Variants in NUDT4 observed in about 807,000 individuals in gnomAD.
NUDT4 encodes nudix hydrolase 4.
Under a neutral mutation model 23.1 loss-of-function variants are expected in NUDT4, and 5 were observed. The ratio of observed to expected loss-of-function variants is 0.22; its 90% CI spans 0.11 to 0.46. NUDT4 has a LOEUF of 0.46. NUDT4 is among the 20% of genes least tolerant of loss of function. The pLI is 0.99. For synonymous variants in NUDT4, 50 were observed against 79.0 expected (o/e 0.63, Z 1.95); for missense variants, 96 against 211.6 (o/e 0.45, Z 3.39).
At chr12:93,385,938 T>TA (rs1565777230) in intron 1 of NUDT4, among the ~76,000 whole-genome samples, 22 of 67,588 alleles carry the variant, frequency 3.3e-4, no homozygotes, top group East Asian at 1.0e-3. Flanking sequence ...ATAGTAAATC[T>TA]TTTTATATAT....
At chr12:93,385,937 CTT>C (rs1205267244) in intron 1 of NUDT4, among the ~76,000 whole-genome samples, 1,199 of 60,942 alleles carry the variant, frequency 0.02, 32 homozygotes, top group Admixed American at 0.079. Context: ...TATAGTAAAT[CTT>C]TTTATATATA....
intron 1 of NUDT4, among the ~76,000 whole-genome samples, chr12:93,392,243 T>TTCC (rs1491364107): frequency 3.4e-5 from 4 of 118,386 alleles, no homozygotes; most frequent in African/African-American, 6.3e-5. Flanking sequence ...TTCCTTTGTT[T>TTCC]CCCCCCCCCC....
intron 1 of NUDT4, among the ~76,000 whole-genome samples, chr12:93,390,829 C>T (rs529068542): frequency 2.6e-5 from 4 of 152,090 alleles, no homozygotes; most frequent in Non-Finnish European, 2.9e-5. Flanking sequence ...GTTCTCACAC[C>T]TGCCCGCCTT....
At chr12:93,397,275 ATGAT>A (rs1250228453) in intron 3 of NUDT4, among the ~76,000 whole-genome samples, 1 of 149,630 alleles carries the variant, frequency 6.7e-6, no homozygotes, top group Admixed American at 6.8e-5. Flanking sequence ...AAAATAATGA[ATGAT>A]GTGTTAATTG....
At chr12:93,388,581 G>T (rs568373438) in intron 1 of NUDT4, among the ~76,000 whole-genome samples, 1 of 152,324 alleles carries the variant, frequency 6.6e-6, no homozygotes, top group South Asian at 2.1e-4. Flanking sequence ...AGAGGCTGAA[G>T]ATTGTAAAGA....
rs560879843 is a variant in NUDT4, at chr12:93,398,862, T to G, written c.340+7T>G. The G allele has an allele frequency of 8.3e-5, 124 of 1,489,164 alleles. No individual in the cohort carries two copies. Among genetic ancestry groups the G allele is most frequent in the Middle Eastern group, 6.9e-4 (3 of 4,362 alleles). 92.2% of individuals were successfully genotyped at this position (1,489,164 alleles called of 1,614,324 possible). On this transcript the variant is annotated splice_region_variant and intron_variant, in intron 4 of 4. Coordinates refer to ENST00000415493, the MANE Select transcript of NUDT4 (RefSeq NM_019094.6). ...GAAGATTCTGTTAATATTGGTAAGT[T>G]CCCTTTTGTTATCTGAATACTCTGT...
At chr12:93,388,578 G>A (rs1876268037) in intron 1 of NUDT4, among the ~76,000 whole-genome samples, 1 of 152,236 alleles carries the variant, frequency 6.6e-6, no homozygotes, top group South Asian at 2.1e-4. Context: ...TCTAGAGGCT[G>A]AAGATTGTAA....
rs1241647315 is a variant in NUDT4 at position 93,400,708 on chromosome 12, C to G, written c.*1329C>G. On this transcript the variant is annotated 3_prime_UTR_variant, in exon 5 of 5. Transcript: ENST00000415493. ...CACCGCAACCTCCGCCTCCCGGGTTCAAGCGATTCTCCTGCCTCAGCCTCC... is the reference window on the plus strand; with the variant it reads ...CACCGCAACCTCCGCCTCCCGGGTTGAAGCGATTCTCCTGCCTCAGCCTCC... 1.3e-5 allele frequency: 2 copies of G among 152,614 alleles called. No individual in the cohort carries two copies. The highest frequency in any genetic ancestry group is 4.8e-5 in the African/African-American group (2 of 41,488). 9.5% of individuals were successfully genotyped at this position (152,614 alleles called of 1,614,324 possible).
At position 93,396,635 on chromosome 12, in the gene NUDT4, C is replaced by T. The variant is rs147967948; in HGVS notation, c.255+1102C>T. Reference sequence around the variant, plus strand: ...TACAGTAATTAAGAGTAAAGTTGGCCGGGCGTGGTGGCTCATGCCTGTAAT... The same window carrying T: ...TACAGTAATTAAGAGTAAAGTTGGCTGGGCGTGGTGGCTCATGCCTGTAAT... On this transcript the variant is annotated intron_variant, in intron 3 of 4. Coordinates refer to ENST00000415493, the MANE Select transcript of NUDT4 (RefSeq NM_019094.6). Among the ~76,000 whole-genome samples the T allele has an allele frequency of 2.3e-3, 354 of 152,208 alleles. 3 individuals are homozygous for T. The highest frequency in any genetic ancestry group is 8.3e-3 in the African/African-American group (344 of 41,518).
At chr12:93,396,857 G>T (rs1279404226) in intron 3 of NUDT4, among the ~76,000 whole-genome samples, 1 of 152,002 alleles carries the variant, frequency 6.6e-6, no homozygotes, top group African/African-American at 2.4e-5. Flanking sequence ...TTGCAGAGCG[G>T]CACTCCATCT....
chr12:93,390,002 T>C (rs1450828118), intron 1 of NUDT4, among the ~76,000 whole-genome samples: 1 of 152,202 alleles, frequency 6.6e-6, no homozygotes, highest in Non-Finnish European at 1.5e-5. Context: ...TTTAGCTCTG[T>C]CTTGGAGAAC....
chr12:93,391,429 G>A (rs1565780028), intron 1 of NUDT4, among the ~76,000 whole-genome samples: 1 of 152,046 alleles, frequency 6.6e-6, no homozygotes, highest in South Asian at 2.1e-4. Flanking sequence ...GCTGGTCTTG[G>A]TGGGAGGTGC....
At chr12:93,391,551 C>T (rs1429013410) in intron 1 of NUDT4, among the ~76,000 whole-genome samples, 1 of 137,440 alleles carries the variant, frequency 7.3e-6, no homozygotes, top group Non-Finnish European at 1.5e-5. Flanking sequence ...GATGATAGGA[C>T]GAGACTCCAT....
rs1240245428 is a variant in NUDT4 at position 93,405,793 on chromosome 12, T to C, written c.*6414T>C. Reference sequence around the variant, plus strand: ...AAGTATAAACCCTCATATAATTCCCTAAGATGGGTGGCATGCCAAGTAGCT... The same window carrying C: ...AAGTATAAACCCTCATATAATTCCCCAAGATGGGTGGCATGCCAAGTAGCT... On this transcript the variant is annotated 3_prime_UTR_variant, in exon 5 of 5. Transcript: ENST00000415493. The C allele has an allele frequency of 6.6e-6, 1 of 152,218 alleles. No homozygotes were observed. Among genetic ancestry groups the C allele is most frequent in the Non-Finnish European group, 1.5e-5 (1 of 68,040 alleles). The allele number at this position is 152,218 out of a possible 1,614,324, so 9.4% of individuals were successfully genotyped here.
intron 1 of NUDT4, chr12:93,381,057 G>A (rs370094430): frequency 1.3e-4 from 20 of 152,290 alleles, no homozygotes; most frequent in African/African-American, 4.6e-4. Context: ...AAAACAGATT[G>A]TTCTAGGAAA....
chr12:93,390,705 G>A (rs1160444323), intron 1 of NUDT4, among the ~76,000 whole-genome samples: 1 of 152,044 alleles, frequency 6.6e-6, no homozygotes, highest in Non-Finnish European at 1.5e-5. Context: ...CCTGGGCTCA[G>A]GTGATCCCTT....
intron 1 of NUDT4, among the ~76,000 whole-genome samples, chr12:93,392,804 G>C (rs1363180958): frequency 8.0e-6 from 1 of 125,174 alleles, no homozygotes; most frequent in African/African-American, 3.0e-5. Flanking sequence ...TCAGTCTCCC[G>C]ATTAGCTGGG....
At chr12:93,394,200 C>T (rs891535842) in intron 1 of NUDT4, among the ~76,000 whole-genome samples, 11 of 152,192 alleles carry the variant, frequency 7.2e-5, no homozygotes, top group Admixed American at 6.5e-4. Context: ...TTTGGGGTTT[C>T]ACCATGTTAG....
In NUDT4 at chr12:93,407,827, G is replaced by C. The variant is rs915326339; in HGVS notation, c.*8448G>C. 1 of 152,168 alleles carries C rather than the reference G, an allele frequency of 6.6e-6. No homozygotes were observed. The highest frequency in any genetic ancestry group is 2.1e-4 in the South Asian group (1 of 4,826). 9.4% of individuals were successfully genotyped at this position (152,168 alleles called of 1,614,324 possible). A position where few individuals can be genotyped will look rare whatever the true frequency, so the allele number is the denominator to read the frequency against. On this transcript the variant is annotated 3_prime_UTR_variant, in exon 5 of 5. Coordinates refer to ENST00000415493, the MANE Select transcript of NUDT4 (RefSeq NM_019094.6). ...CCAGAGCCCCTTAAGTCCTAAGAAG[G>C]CTCAGTCAACACACTGGCACTCGTT...
Sources: allele counts gnomAD v4.1 joint callset (sites outside exome capture counted in the v4.1 genomes callset), GRCh38; gene constraint gnomAD v4.1.1; transcripts MANE v1.5; gene names NCBI Gene and HGNC (gene_info 2026-07-23, HGNC 2026-07-21).